BBOX1: variants seen among roughly 807,000 people sequenced by gnomAD.
The protein encoded by BBOX1 is gamma-butyrobetaine hydroxylase 1, also known as gamma-butyrobetaine dioxygenase.
Under a neutral mutation model 41.6 loss-of-function variants are expected in BBOX1, and 35 were observed. The ratio of observed to expected loss-of-function variants is 0.84; its 90% CI spans 0.64 to 1.11. The LOEUF (loss-of-function observed/expected upper bound fraction) is 1.11. Ranked by LOEUF, BBOX1 falls within the 50% of genes most tolerant of loss-of-function variation. The pLI, the probability that BBOX1 is intolerant of heterozygous loss-of-function variation, is 0.00. For synonymous variants in BBOX1, 163 were observed against 154.7 expected (o/e 1.05, Z -0.40); for missense variants, 458 against 460.6 (o/e 0.99, Z 0.05).
intron 4 of BBOX1, among the ~76,000 whole-genome samples, chr11:27,082,116 G>A (rs571905059): frequency 7.8e-4 from 119 of 152,170 alleles, no homozygotes; most frequent in African/African-American, 2.6e-3. Context: ...AGTGGATGGT[G>A]CTAAACCATT....
chr11:27,110,264 T>A (rs142525780), intron 5 of BBOX1, among the ~76,000 whole-genome samples: 50 of 152,130 alleles, frequency 3.3e-4, no homozygotes, highest in African/African-American at 1.2e-3. Flanking sequence ...CAGTACCATC[T>A]ACCCCTTACT....
chr11:27,071,017 C>T (rs1745874522), intron 4 of BBOX1, among the ~76,000 whole-genome samples: 1 of 152,054 alleles, frequency 6.6e-6, no homozygotes, highest in Admixed American at 6.5e-5. Flanking sequence ...CTTTATTTCT[C>T]CTTCATTTAT....
chr11:27,068,954 T>G (rs894097073), intron 4 of BBOX1, among the ~76,000 whole-genome samples: 2 of 152,184 alleles, frequency 1.3e-5, no homozygotes, highest in African/African-American at 4.8e-5. Context: ...TATAGTACCA[T>G]GCTGTTTTGG....
chr11:27,048,971 C>T (rs2133948309), intron 2 of BBOX1, among the ~76,000 whole-genome samples: 1 of 139,252 alleles, frequency 7.2e-6, no homozygotes, highest in Non-Finnish European at 1.5e-5. Context: ...TTGTTAAATT[C>T]CCACCTATGA....
At chr11:27,073,145 A>T (rs1277129807) in intron 4 of BBOX1, among the ~76,000 whole-genome samples, 2 of 152,218 alleles carry the variant, frequency 1.3e-5, no homozygotes, top group Non-Finnish European at 2.9e-5. Flanking sequence ...GAATGGGAGA[A>T]AATTTTTGCA....
chr11:27,067,777 A>T (rs72876286), intron 4 of BBOX1, among the ~76,000 whole-genome samples: 28,482 of 151,872 alleles, frequency 0.19, 2,817 homozygotes, highest in Middle Eastern at 0.25. Context: ...AAAATAAAAT[A>T]AAAATTTTTA....
rs375963675 is a variant in BBOX1 at position 27,127,210 on chromosome 11, C to T, written c.1004-83C>T. The stretch of plus-strand genomic sequence containing the variant: ...ATTCTTGATGTGAACCAAGCAGCAG[C>T]TGTGTTTTGCATGTTACATTTTCTA... On this transcript the variant is annotated intron_variant, in intron 8 of 8. Coordinates refer to ENST00000263182, the MANE Select transcript of BBOX1 (RefSeq NM_003986.3). 6.5e-6 allele frequency: 9 copies of T among 1,386,686 alleles called. No homozygotes were observed. In the East Asian group the frequency reaches 2.1e-4, roughly 32 times the overall value. The allele number at this position is 1,386,686 out of a possible 1,614,324, so 85.9% of individuals were successfully genotyped here.
At chr11:27,060,140 C>T (rs904753750) in intron 4 of BBOX1, among the ~76,000 whole-genome samples, 38 of 152,090 alleles carry the variant, frequency 2.5e-4, no homozygotes, top group African/African-American at 8.9e-4. Flanking sequence ...GGTGGGGCCT[C>T]GTGGGAGGTG....
Position 27,093,452 on chromosome 11 carries a change from T to C in BBOX1, c.533+86T>C, listed in dbSNP as rs1858323340. 6 of 1,354,670 alleles carry C rather than the reference T, an allele frequency of 4.4e-6. No homozygotes were observed. In the East Asian group the frequency reaches 9.6e-5, roughly 22 times the overall value. 83.9% of individuals were successfully genotyped at this position (1,354,670 alleles called of 1,614,324 possible). A position where few individuals can be genotyped will look rare whatever the true frequency, so the allele number is the denominator to read the frequency against. On this transcript the variant is annotated intron_variant, in intron 5 of 8. Coordinates refer to ENST00000263182, the MANE Select transcript of BBOX1 (RefSeq NM_003986.3). ...TGAGGACGACCGCCTTGATTGAAGATACAGAAATTCTCATAATGTCTTGAG... is the reference window on the plus strand; with the variant it reads ...TGAGGACGACCGCCTTGATTGAAGACACAGAAATTCTCATAATGTCTTGAG...
intron 8 of BBOX1, among the ~76,000 whole-genome samples, chr11:27,126,881 A>G (rs1157389952): frequency 2.0e-5 from 3 of 151,980 alleles, no homozygotes; most frequent in Non-Finnish European, 4.4e-5. Context: ...TCACCATGTT[A>G]GCCAGGATGG....
chr11:27,094,059 G>A (rs892519673), intron 5 of BBOX1, among the ~76,000 whole-genome samples: 2 of 151,956 alleles, frequency 1.3e-5, no homozygotes, highest in African/African-American at 4.8e-5. Flanking sequence ...TGGGCCCTGA[G>A]AAATTAAAAT....
chr11:27,106,130 C>A (rs1858856622), intron 5 of BBOX1, among the ~76,000 whole-genome samples: 1 of 152,052 alleles, frequency 6.6e-6, no homozygotes, highest in Non-Finnish European at 1.5e-5. Context: ...CCAGCCACTG[C>A]AAAAACATGC....
At chr11:27,108,659 T>G (rs1858948432) in intron 5 of BBOX1, among the ~76,000 whole-genome samples, 1 of 152,038 alleles carries the variant, frequency 6.6e-6, no homozygotes, top group South Asian at 2.1e-4. Context: ...ATACTCCATC[T>G]TTTTTCACTC....
intron 8 of BBOX1, among the ~76,000 whole-genome samples, chr11:27,126,677 CTTTTT>C (rs66505246): frequency 1.6e-5 from 2 of 127,822 alleles, no homozygotes; most frequent in Non-Finnish European, 1.7e-5. Context: ...TCTTTTTTTT[CTTTTT>C]TTTTTTTTTT....
chr11:27,098,199 C>T (rs1268936726), intron 5 of BBOX1, among the ~76,000 whole-genome samples: 1 of 151,960 alleles, frequency 6.6e-6, no homozygotes, highest in Non-Finnish European at 1.5e-5. Flanking sequence ...TAACATTTTT[C>T]CTCTTCCCTT....
intron 4 of BBOX1, among the ~76,000 whole-genome samples, chr11:27,083,010 G>A (rs950272514): frequency 2.6e-5 from 4 of 152,110 alleles, no homozygotes; most frequent in African/African-American, 9.7e-5. Context: ...ACATGAAAAT[G>A]TGTGTCTCTC....
intron 2 of BBOX1, among the ~76,000 whole-genome samples, chr11:27,043,212 C>A (rs903934060): frequency 6.6e-6 from 1 of 151,976 alleles, no homozygotes; most frequent in Non-Finnish European, 1.5e-5. Context: ...TACAGGCGCC[C>A]GCCACCACGC....
chr11:27,062,424 C>A (rs959630061), intron 4 of BBOX1, among the ~76,000 whole-genome samples: 12 of 152,040 alleles, frequency 7.9e-5, no homozygotes, highest in African/African-American at 2.9e-4. Context: ...AGTTTAAGAT[C>A]TTTATAAGTT....
chr11:27,074,986 T>C (rs1286955242), intron 4 of BBOX1, among the ~76,000 whole-genome samples: 5 of 152,236 alleles, frequency 3.3e-5, no homozygotes, highest in Non-Finnish European at 7.3e-5. Flanking sequence ...GGATCTACCA[T>C]TCTGGGGTCC....
Sources: allele counts gnomAD v4.1 joint callset (sites outside exome capture counted in the v4.1 genomes callset), GRCh38; gene constraint gnomAD v4.1.1; transcripts MANE v1.5; gene names NCBI Gene and HGNC (gene_info 2026-07-23, HGNC 2026-07-21).